SLIT3: variants seen among roughly 807,000 people sequenced by gnomAD.
SLIT3 encodes slit homolog 3 protein.
A neutral mutation model predicts 184.0 loss-of-function variants in SLIT3; 68 were observed. The ratio of observed to expected loss-of-function variants is 0.37; its 90% CI spans 0.30 to 0.45. The LOEUF is 0.45. Among genes scored for constraint, SLIT3 ranks in the 20% least tolerant of loss-of-function variants. SLIT3 has a pLI of 1.00. For missense variants in SLIT3, 1,707 were observed against 2,026.0 expected (o/e 0.84, Z 3.02); for synonymous variants, 831 against 828.6 (o/e 1.00, Z -0.05).
intron 4 of SLIT3, among the ~76,000 whole-genome samples, chr5:169,091,344 C>G (rs1054810035): frequency 1.3e-5 from 2 of 152,192 alleles, no homozygotes; most frequent in African/African-American, 4.8e-5. Context: ...GTGTTTCCAA[C>G]GGCATGGTTG....
chr5:169,134,765 A>T (rs1490966963), intron 4 of SLIT3, among the ~76,000 whole-genome samples: 2 of 152,254 alleles, frequency 1.3e-5, no homozygotes, highest in Non-Finnish European at 2.9e-5. Context: ...TAATAAAAAA[A>T]GTAGGCCCTG....
chr5:169,023,058 C>T (rs1196620827), intron 4 of SLIT3, among the ~76,000 whole-genome samples: 1 of 152,212 alleles, frequency 6.6e-6, no homozygotes, highest in Non-Finnish European at 1.5e-5. Flanking sequence ...CCTGAGGAAA[C>T]GGAAGCTCTA....
chr5:168,822,393 G>A (rs1266989615), intron 7 of SLIT3, among the ~76,000 whole-genome samples: 1 of 152,190 alleles, frequency 6.6e-6, no homozygotes, highest in Non-Finnish European at 1.5e-5. Flanking sequence ...AGGAATTCTA[G>A]CCCTTGGCCT....
intron 32 of SLIT3, among the ~76,000 whole-genome samples, chr5:168,675,549 TAA>T (rs1379159879): frequency 2.0e-5 from 3 of 152,062 alleles, no homozygotes; most frequent in African/African-American, 7.2e-5. Context: ...TCAAATAAAA[TAA>T]GAGAGGGTAC....
chr5:168,718,390 A>G (rs1303035351), intron 23 of SLIT3, among the ~76,000 whole-genome samples: 2 of 152,086 alleles, frequency 1.3e-5, no homozygotes, highest in African/African-American at 4.8e-5. Flanking sequence ...GTGAGCACAC[A>G]CTGAAATTGC....
chr5:169,083,636 C>T (rs1759161409), intron 4 of SLIT3, among the ~76,000 whole-genome samples: 1 of 152,196 alleles, frequency 6.6e-6, no homozygotes, highest in Admixed American at 6.5e-5. Flanking sequence ...TCTATATGCA[C>T]TCAATCTGGG....
At chr5:169,184,744 C>T (rs187737117) in intron 4 of SLIT3, among the ~76,000 whole-genome samples, 4 of 152,292 alleles carry the variant, frequency 2.6e-5, no homozygotes, top group Non-Finnish European at 4.4e-5. Flanking sequence ...CAACCATAGC[C>T]TAGGTCCTTG....
chr5:168,871,005 C>T (rs1234728115), intron 5 of SLIT3, among the ~76,000 whole-genome samples: 3 of 152,206 alleles, frequency 2.0e-5, no homozygotes, highest in African/African-American at 7.2e-5. Context: ...CTTAACATAA[C>T]ACGAATTTAT....
intron 4 of SLIT3, among the ~76,000 whole-genome samples, chr5:168,884,581 T>TATATATATATA (rs1760116903): frequency 4.6e-5 from 6 of 131,596 alleles, no homozygotes; most frequent in South Asian, 2.5e-4. Flanking sequence ...TATATATATA[T>TATATATATATA]GAAATTCCAC....
At chr5:168,913,456 A>G (rs1045992982) in intron 4 of SLIT3, among the ~76,000 whole-genome samples, 3 of 152,210 alleles carry the variant, frequency 2.0e-5, no homozygotes, top group African/African-American at 4.8e-5. Flanking sequence ...AATATTAAAG[A>G]ATATATGCCC....
At chr5:168,749,829 C>A (rs894046103) in intron 18 of SLIT3, among the ~76,000 whole-genome samples, 194 bp from the exon 19 acceptor site, 1 of 152,148 alleles carries the variant, frequency 6.6e-6, no homozygotes, top group African/African-American at 2.4e-5. Flanking sequence ...GCTGTGGTGT[C>A]TCGCCATGCC....
intron 3 of SLIT3, among the ~76,000 whole-genome samples, chr5:169,214,912 C>T (rs1484839540): frequency 6.6e-6 from 1 of 152,184 alleles, no homozygotes; most frequent in Admixed American, 6.5e-5. Context: ...AAACAATCCC[C>T]TTCTCCTAAC....
chr5:169,207,612 A>C (rs948019642), intron 3 of SLIT3, among the ~76,000 whole-genome samples: 1 of 152,198 alleles, frequency 6.6e-6, no homozygotes, highest in African/African-American at 2.4e-5. Flanking sequence ...GCTTAGGCTT[A>C]AAAGAACTAA....
At chr5:168,734,296 G>A (rs1763371317) in intron 20 of SLIT3, among the ~76,000 whole-genome samples, 1 of 152,190 alleles carries the variant, frequency 6.6e-6, no homozygotes, top group African/African-American at 2.4e-5. Context: ...AGTTGAGACA[G>A]GAAATTAACT....
chr5:169,146,483 T>C (rs1358379623), intron 4 of SLIT3, among the ~76,000 whole-genome samples: 2 of 152,214 alleles, frequency 1.3e-5, no homozygotes, highest in African/African-American at 2.4e-5. Flanking sequence ...TCTGGTTTGA[T>C]GACAATGGCT....
chr5:169,050,946 T>C (rs1429508719), intron 4 of SLIT3, among the ~76,000 whole-genome samples: 1 of 152,228 alleles, frequency 6.6e-6, no homozygotes, highest in Non-Finnish European at 1.5e-5. Context: ...TGCTGTCTTA[T>C]GGACCCTGGT....
intron 4 of SLIT3, among the ~76,000 whole-genome samples, chr5:168,887,100 G>GTT (rs1228275644): frequency 6.6e-6 from 1 of 152,110 alleles, no homozygotes; most frequent in Non-Finnish European, 1.5e-5. Context: ...TCTAGTTCCA[G>GTT]TGGAGCTTTT....
intron 13 of SLIT3, among the ~76,000 whole-genome samples, chr5:168,773,458 A>G (rs1264372335): frequency 6.6e-6 from 1 of 152,160 alleles, no homozygotes; most frequent in Non-Finnish European, 1.5e-5. Context: ...AAAACTGTGA[A>G]GCACCGAACA....
intron 4 of SLIT3, among the ~76,000 whole-genome samples, chr5:169,006,605 T>TCTCTCTCA (rs899753279): frequency 1.1e-4 from 16 of 145,880 alleles, no homozygotes; most frequent in Middle Eastern, 3.5e-3. Flanking sequence ...TCTCTCTCTC[T>TCTCTCTCA]CACACACACA....
Sources: gnomAD v4.1 joint callset for allele counts (sites outside exome capture counted in the v4.1 genomes callset) on GRCh38, gnomAD v4.1.1 for gene constraint, MANE v1.5 for transcripts, NCBI Gene and HGNC (gene_info 2026-07-23, HGNC 2026-07-21) for gene names.